ITGBL1: variants seen among roughly 807,000 people sequenced by gnomAD.
The protein encoded by ITGBL1 is integrin subunit beta like 1, also known as integrin beta-like protein 1.
ITGBL1 carries 51 observed loss-of-function variants against 68.5 expected under a neutral mutation model. The observed-to-expected ratio is 0.74, with a 90% confidence interval of 0.59 to 0.94. ITGBL1 has a LOEUF of 0.94. Among genes scored for constraint, ITGBL1 ranks in the 40% least tolerant of loss-of-function variants. The pLI is 0.00. For synonymous variants in ITGBL1, 209 were observed against 227.3 expected (o/e 0.92, Z 0.72); for missense variants, 649 against 647.4 (o/e 1.00, Z -0.03).
chr13:101,664,387 A>G (rs2033161810), intron 7 of ITGBL1, among the ~76,000 whole-genome samples: 1 of 152,160 alleles, frequency 6.6e-6, no homozygotes, highest in African/African-American at 2.4e-5. Flanking sequence ...CTTGAATCAA[A>G]TTATTTACAG....
chr13:101,686,021 G>A (rs1306320332), intron 7 of ITGBL1, among the ~76,000 whole-genome samples: 1 of 152,104 alleles, frequency 6.6e-6, no homozygotes, highest in African/African-American at 2.4e-5. Flanking sequence ...TCACATAGCA[G>A]TATCTTGAGG....
intron 7 of ITGBL1, among the ~76,000 whole-genome samples, chr13:101,615,063 A>G (rs1397251333): frequency 1.3e-5 from 2 of 152,160 alleles, no homozygotes; most frequent in Non-Finnish European, 2.9e-5. Context: ...GAAAAATGTC[A>G]GGATCCCTCC....
intron 1 of ITGBL1, 92 bp downstream of exon 1, chr13:101,453,023 G>C: frequency 9.8e-7 from 1 of 1,022,152 alleles, no homozygotes; most frequent in Non-Finnish European, 1.5e-6. Context: ...GCCAAGAGCT[G>C]TTATTAAATT....
intron 6 of ITGBL1, among the ~76,000 whole-genome samples, chr13:101,584,262 T>C (rs546527178): frequency 1.3e-5 from 2 of 152,134 alleles, no homozygotes; most frequent in South Asian, 4.2e-4. Context: ...GCAATCTAAA[T>C]GCAAATAAAT....
chr13:101,658,845 G>A (rs921225603), intron 7 of ITGBL1, among the ~76,000 whole-genome samples: 5 of 151,826 alleles, frequency 3.3e-5, no homozygotes, highest in African/African-American at 4.8e-5. Flanking sequence ...CCTCACTACC[G>A]TCTATTGAAA....
intron 7 of ITGBL1, among the ~76,000 whole-genome samples, chr13:101,647,079 G>T (rs903369472): frequency 6.6e-6 from 1 of 151,862 alleles, no homozygotes; most frequent in Admixed American, 6.6e-5. Context: ...ATCTATATTT[G>T]TTCAGTCATT....
chr13:101,539,050 CTTTTTTTTTTT>C (rs35288585), intron 2 of ITGBL1, among the ~76,000 whole-genome samples: 112 of 99,628 alleles, frequency 1.1e-3, no homozygotes, highest in Non-Finnish European at 1.3e-3. Flanking sequence ...TGTGCTGCTT[CTTTTTTTTTTT>C]TTTTTTTTTT....
At chr13:101,651,767 T>A (rs564929079) in intron 7 of ITGBL1, among the ~76,000 whole-genome samples, 29,728 of 152,028 alleles carry the variant, frequency 0.2, 2,971 homozygotes, top group East Asian at 0.25. Flanking sequence ...CTAAATGGTA[T>A]TACCTAGATT....
At chr13:101,542,221 C>T (rs1490522361) in intron 2 of ITGBL1, among the ~76,000 whole-genome samples, 1 of 152,216 alleles carries the variant, frequency 6.6e-6, no homozygotes, top group Non-Finnish European at 1.5e-5. Context: ...GTACACACTA[C>T]TTTGAATGTG....
At chr13:101,501,884 G>T (rs2048948498) in intron 2 of ITGBL1, among the ~76,000 whole-genome samples, 1 of 152,174 alleles carries the variant, frequency 6.6e-6, no homozygotes, top group Admixed American at 6.5e-5. Context: ...AGTGGCTCAT[G>T]GTTGAATTTT....
chr13:101,524,535 C>T (rs1204568552), intron 2 of ITGBL1, among the ~76,000 whole-genome samples: 1 of 151,502 alleles, frequency 6.6e-6, no homozygotes, highest in African/African-American at 2.4e-5. Flanking sequence ...ATATAGTTGT[C>T]ATCACTGATG....
At chr13:101,540,696 T>TTCTTCCATTCGTTTGTATGC (rs1204886696) in intron 2 of ITGBL1, among the ~76,000 whole-genome samples, 4 of 152,220 alleles carry the variant, frequency 2.6e-5, no homozygotes, top group Admixed American at 1.3e-4. Context: ...GCATGGAATG[T>TTCTTCCATTCGTTTGTATGC]TCTTCCATTC....
chr13:101,591,400 G>C lies in ITGBL1; in HGVS notation c.869-6753G>C, dbSNP rs16959179. The stretch of plus-strand genomic sequence containing the variant: ...CTGAGGTCTAGAACAGATAATTATG[G>C]CAACAATTTGTCAAATAGACTCTGT... On this transcript the variant is annotated intron_variant, in intron 6 of 10. Coordinates refer to ENST00000376180, the MANE Select transcript of ITGBL1 (RefSeq NM_004791.3). Among the ~76,000 whole-genome samples the C allele has an allele frequency of 9.0e-3, 1,376 of 152,058 alleles. 21 individuals carry two copies. Among genetic ancestry groups the C allele is most frequent in the African/African-American group, 0.031 (1,300 of 41,456 alleles).
chr13:101,647,021 T>C (rs1040422042), intron 7 of ITGBL1, among the ~76,000 whole-genome samples: 1 of 152,142 alleles, frequency 6.6e-6, no homozygotes, highest in African/African-American at 2.4e-5. Context: ...CAATTATGTA[T>C]TACTCTTGTT....
rs1195942734 is a variant in ITGBL1 at position 101,575,421 on chromosome 13, T to TAAA, written c.464-2_464-1insAAA. 1 of 1,612,096 alleles carries TAAA rather than the reference T, an allele frequency of 6.2e-7. No individual in the cohort carries two copies. The highest frequency in any genetic ancestry group is 8.5e-7 in the Non-Finnish European group (1 of 1,178,866). On this transcript the variant is annotated splice_polypyrimidine_tract_variant and splice_region_variant and intron_variant, in intron 3 of 10. Coordinates refer to ENST00000376180, the MANE Select transcript of ITGBL1 (RefSeq NM_004791.3). Reference sequence around the variant, plus strand: ...AACAGTCTTTTTTGTTTTCATGGTTTAGGTACATGTCACTGTGGCAGGTGT... The same window carrying TAAA: ...AACAGTCTTTTTTGTTTTCATGGTTTAAAAGGTACATGTCACTGTGGCAGGTGT...
At chr13:101,546,773 C>A (rs192327131) in intron 2 of ITGBL1, among the ~76,000 whole-genome samples, 2 of 151,848 alleles carry the variant, frequency 1.3e-5, no homozygotes, top group Admixed American at 6.6e-5. Context: ...CTCAATTTCC[C>A]AGAAATATTT....
Position 101,714,526 on chromosome 13 carries a change from C to T in ITGBL1, c.1368C>T (p.Asp456=). ...EFCDCDDRDC[D]KHDGLICTGN... is the part of the protein sequence containing the mutation. ...GTGACTGTGATGACAGAGACTGCGA[C>T]AAACATGATGGTCTCATTTGTACAG... is the stretch of plus-strand genomic sequence containing the variant. Residue 456 remains aspartate (D), a synonymous_variant, in exon 10 of 11, where the codon GAC becomes GAT. Coordinates refer to ENST00000376180, the MANE Select transcript of ITGBL1 (RefSeq NM_004791.3). The T allele has an allele frequency of 6.2e-7, 1 of 1,606,298 alleles. No individual in the cohort carries two copies. The highest frequency in any genetic ancestry group is 8.5e-7 in the Non-Finnish European group (1 of 1,172,982).
chr13:101,679,986 C>G (rs980489618), intron 7 of ITGBL1, among the ~76,000 whole-genome samples: 1 of 152,108 alleles, frequency 6.6e-6, no homozygotes, highest in Non-Finnish European at 1.5e-5. Flanking sequence ...ATAGAAGAAT[C>G]GACATTTATC....
intron 7 of ITGBL1, among the ~76,000 whole-genome samples, chr13:101,616,440 A>C (rs2031364746): frequency 6.6e-6 from 1 of 151,152 alleles, no homozygotes; most frequent in South Asian, 2.1e-4. Context: ...GTTGCTCAGA[A>C]CTCTGAGATC....
Sources: gnomAD v4.1 joint callset for allele counts (sites outside exome capture counted in the v4.1 genomes callset) on GRCh38, gnomAD v4.1.1 for gene constraint, MANE v1.5 for transcripts, NCBI Gene and HGNC (gene_info 2026-07-23, HGNC 2026-07-21) for gene names.